HBP1: variants seen among roughly 807,000 people sequenced by gnomAD.
HBP1 encodes HMG-box transcription factor 1.
HBP1 carries 20 observed loss-of-function variants against 62.6 expected under a neutral mutation model. The observed-to-expected ratio is 0.32, with a 90% CI of 0.22 to 0.46. The LOEUF is 0.46. HBP1 is among the 20% of genes least tolerant of loss of function. The pLI, the probability that HBP1 is intolerant of heterozygous loss-of-function variation, is 1.00. For synonymous variants in HBP1, 232 were observed against 206.2 expected, an observed-to-expected ratio of 1.12 and a Z score of -1.07; for missense variants, 480 against 611.8, an observed-to-expected ratio of 0.78 and a Z score of 2.27.
At chr7:107,176,089 G>C (rs539828568) in intron 1 of HBP1, among the ~76,000 whole-genome samples, 1 of 148,204 alleles carries the variant, frequency 6.7e-6, no homozygotes, top group African/African-American at 2.5e-5. Context: ...GCAGTGGTGC[G>C]ATCTCGGCTC....
At chr7:107,186,823 C>A in intron 6 of HBP1, 142 bp downstream of exon 6, 1 of 618,432 alleles carries the variant, frequency 1.6e-6, no homozygotes, top group Non-Finnish European at 2.9e-6. Flanking sequence ...TATGACCACT[C>A]ATTGCTTAGT....
intron 1 of HBP1, among the ~76,000 whole-genome samples, chr7:107,172,602 A>G (rs571290819): frequency 1.2e-4 from 18 of 152,264 alleles, no homozygotes; most frequent in African/African-American, 4.3e-4. Context: ...TGGGTTTTCT[A>G]TTGTCTTGAT....
At chr7:107,173,628 T>C (rs1441357579) in intron 1 of HBP1, 1 of 152,212 alleles carries the variant, frequency 6.6e-6, no homozygotes, top group Admixed American at 6.5e-5. Context: ...TCTTCATTCA[T>C]TGAGACTTAG....
chr7:107,169,314 G>A, intron 1 of HBP1, 129 bp downstream of exon 1: 2 of 372,478 alleles, frequency 5.4e-6, no homozygotes, highest in East Asian at 1.3e-4. Flanking sequence ...TGGGGTGGGG[G>A]CAGTTAACCG....
chr7:107,190,236 A>G lies in HBP1; in HGVS notation c.986A>G (p.His329Arg). 1 of 1,611,762 alleles carries G rather than the reference A, an allele frequency of 6.2e-7. No homozygotes were observed. The highest frequency in any genetic ancestry group is 8.5e-7 in the Non-Finnish European group (1 of 1,178,010). Residue 329 changes from histidine to arginine, a missense_variant, in exon 8 of 11, where the codon CAT becomes CGT. His to Arg is a conservative substitution (Grantham distance 29, BLOSUM62 0). Coordinates refer to ENST00000222574, the MANE Select transcript of HBP1 (RefSeq NM_012257.4). ...VQHGIPCCEVHIGDVCLPPGH... is the reference protein window; with the variant it reads ...VQHGIPCCEVRIGDVCLPPGH... ...CATGGCATTCCATGTTGTGAAGTTC[A>G]TATTGGCGATGTATGTCTACCTCCT...
At chr7:107,178,140 A>G (rs1233094955) in intron 1 of HBP1, among the ~76,000 whole-genome samples, 5 of 152,170 alleles carry the variant, frequency 3.3e-5, no homozygotes, top group Non-Finnish European at 7.3e-5. Flanking sequence ...TTGTTGCAAA[A>G]GTCAGGATTT....
At chr7:107,192,043 T>A (rs929062631) in intron 8 of HBP1, among the ~76,000 whole-genome samples, 2 of 152,170 alleles carry the variant, frequency 1.3e-5, no homozygotes, top group Non-Finnish European at 2.9e-5. Flanking sequence ...GCATGTTTTA[T>A]TCCCCAGCAG....
In HBP1 at chr7:107,201,526, A is replaced by G. The variant is rs1798304475; in HGVS notation, c.*95A>G. On this transcript the variant is annotated 3_prime_UTR_variant, in exon 11 of 11. Transcript: ENST00000222574. ...ATCAAGGTCTCACCATTTGTCCTCAATTCGTGTGACCATAAGATACTGATA... is the reference window on the plus strand; with the variant it reads ...ATCAAGGTCTCACCATTTGTCCTCAGTTCGTGTGACCATAAGATACTGATA... 7.1e-6 allele frequency: 5 copies of G among 705,690 alleles called. No homozygotes were observed. The highest frequency in any genetic ancestry group is 3.8e-5 in the South Asian group (2 of 52,718). The allele number at this position is 705,690 out of a possible 1,614,324, so 43.7% of individuals were successfully genotyped here. A position where few individuals can be genotyped will look rare whatever the true frequency, so the allele number is the denominator to read the frequency against.
chr7:107,199,842 A>G (rs1459260430), intron 9 of HBP1, among the ~76,000 whole-genome samples: 2 of 152,248 alleles, frequency 1.3e-5, no homozygotes, highest in African/African-American at 4.8e-5. Context: ...ATAGTAAGAT[A>G]TGCATAGTTA....
intron 9 of HBP1, chr7:107,196,995 C>T (rs1797937725): frequency 6.6e-6 from 1 of 152,192 alleles, no homozygotes; most frequent in Admixed American, 6.6e-5. Flanking sequence ...CAGCTTTTCA[C>T]CTGAGTCAAC....
intron 8 of HBP1, among the ~76,000 whole-genome samples, chr7:107,194,141 T>G (rs770008278): frequency 6.6e-6 from 1 of 152,214 alleles, no homozygotes. Flanking sequence ...ATACTCTATG[T>G]CATTACTGCT....
chr7:107,183,073 G>A (rs1283780725), intron 3 of HBP1, among the ~76,000 whole-genome samples: 1 of 152,162 alleles, frequency 6.6e-6, no homozygotes. Context: ...ACTTACAAAA[G>A]TGGGTTCCCA....
Position 107,202,223 on chromosome 7 carries a change from T to C in HBP1, c.*792T>C, listed in dbSNP as rs1653097200. 2 of 151,092 alleles carry C rather than the reference T, an allele frequency of 1.3e-5. No homozygotes were observed. Among genetic ancestry groups the C allele is most frequent in the Admixed American group, 6.6e-5 (1 of 15,052 alleles). The allele number at this position is 151,092 out of a possible 1,614,324, so 9.4% of individuals were successfully genotyped here. ...TCTCCTCAGCCATGTATCTTAAATA[T>C]ATTTTGTCATCATAATCTTTATGGT... On this transcript the variant is annotated 3_prime_UTR_variant, in exon 11 of 11. Transcript: ENST00000222574.
At chr7:107,191,592 C>T (rs1466931311) in intron 8 of HBP1, among the ~76,000 whole-genome samples, 1 of 152,022 alleles carries the variant, frequency 6.6e-6, no homozygotes, top group East Asian at 1.9e-4. Flanking sequence ...GAAACAGTAT[C>T]AATACTTATT....
intron 2 of HBP1, 114 bp downstream of exon 2, chr7:107,180,176 A>G (rs1024419012): frequency 1.3e-5 from 7 of 558,376 alleles, no homozygotes; most frequent in African/African-American, 3.7e-5. Flanking sequence ...AAGTATTTGT[A>G]TATTAGGAAT....
At chr7:107,193,424 CTAAGA>C (rs1797746183) in intron 8 of HBP1, 1 of 152,058 alleles carries the variant, frequency 6.6e-6, no homozygotes, top group Non-Finnish European at 1.5e-5. Flanking sequence ...AGCTACTCAC[CTAAGA>C]TACTTCTACA....
intron 1 of HBP1, chr7:107,174,686 CAG>C (rs1208840516): frequency 2.0e-5 from 20 of 984,582 alleles, no homozygotes; most frequent in Non-Finnish European, 2.4e-5. Flanking sequence ...TGTTCATACA[CAG>C]AGGATAGCTC....
At chr7:107,169,902 A>T in intron 1 of HBP1, 1 of 985,540 alleles carries the variant, frequency 1.0e-6, no homozygotes, top group Non-Finnish European at 1.2e-6. Flanking sequence ...TGACCCAAAG[A>T]GGAGGCTTGG....
intron 8 of HBP1, among the ~76,000 whole-genome samples, chr7:107,193,740 C>T (rs184767055): frequency 6.6e-6 from 1 of 152,234 alleles, no homozygotes; most frequent in African/African-American, 2.4e-5. Flanking sequence ...TAGATGTACA[C>T]GCTGATTGAG....
Sources: gnomAD v4.1 joint callset for allele counts (sites outside exome capture counted in the v4.1 genomes callset) on GRCh38, gnomAD v4.1.1 for gene constraint, MANE v1.5 for transcripts, NCBI Gene and HGNC (gene_info 2026-07-23, HGNC 2026-07-21) for gene names.